DLG2: variants seen among roughly 807,000 people sequenced by gnomAD.
DLG2 encodes discs large MAGUK scaffold protein 2.
Under a neutral mutation model 132.5 loss-of-function variants are expected in DLG2, and 45 were observed. That is an observed-to-expected ratio of 0.34 (90% CI 0.27 to 0.44). The LOEUF (loss-of-function observed/expected upper bound fraction) is 0.44, where lower values mean the gene tolerates loss of function less well. DLG2 is among the 20% of genes least tolerant of loss of function. The pLI is 1.00. For missense variants in DLG2, 1,045 were observed against 1,196.9 expected, an observed-to-expected ratio of 0.87 and a Z score of 1.87; for synonymous variants, 424 against 419.6, an observed-to-expected ratio of 1.01 and a Z score of -0.13.
intron 21 of DLG2, among the ~76,000 whole-genome samples, chr11:83,508,437 G>A (rs187120716): frequency 1.1e-5 from 1 of 89,826 alleles, no homozygotes; most frequent in East Asian, 2.6e-4. Flanking sequence ...GTAGAGATGG[G>A]GTTTCACCAG....
intron 3 of DLG2, among the ~76,000 whole-genome samples, chr11:85,549,526 A>T (rs1008524292): frequency 6.6e-6 from 1 of 152,232 alleles, no homozygotes; most frequent in Non-Finnish European, 1.5e-5. Flanking sequence ...AAGCATTTCC[A>T]TTCAAAAATA....
intron 19 of DLG2, among the ~76,000 whole-genome samples, chr11:83,606,851 C>T (rs1418478056): frequency 2.6e-5 from 4 of 151,904 alleles, no homozygotes; most frequent in Admixed American, 1.3e-4. Context: ...GGCATGAACC[C>T]GGGAGGCGGA....
At chr11:84,617,032 T>C (rs560744271) in intron 6 of DLG2, among the ~76,000 whole-genome samples, 98 of 151,780 alleles carry the variant, frequency 6.5e-4, no homozygotes, top group African/African-American at 2.0e-3. Flanking sequence ...AAGTGCAGAA[T>C]GTGCAGGTTT....
chr11:84,872,214 G>A (rs1025402991), intron 6 of DLG2, among the ~76,000 whole-genome samples: 2 of 152,148 alleles, frequency 1.3e-5, no homozygotes, highest in Non-Finnish European at 1.5e-5. Flanking sequence ...TCTCAGGAAT[G>A]GAAGTAGATT....
At chr11:84,184,291 C>T (rs891642274) in intron 8 of DLG2, among the ~76,000 whole-genome samples, 1 of 150,900 alleles carries the variant, frequency 6.6e-6, no homozygotes, top group Non-Finnish European at 1.5e-5. Flanking sequence ...GATGGTATCT[C>T]ATTGTGGTTT....
intron 22 of DLG2, among the ~76,000 whole-genome samples, chr11:83,476,852 T>G (rs192976542): frequency 6.6e-6 from 1 of 152,108 alleles, no homozygotes; most frequent in Non-Finnish European, 1.5e-5. Context: ...ATAAATAGTT[T>G]TGTTGCAGAA....
At chr11:84,547,275 C>T (rs2099392017) in intron 6 of DLG2, among the ~76,000 whole-genome samples, 2 of 152,048 alleles carry the variant, frequency 1.3e-5, no homozygotes, top group South Asian at 4.1e-4. Context: ...AAATTTTTGC[C>T]TTTTACTGTT....
In DLG2 at chr11:85,153,821, A is replaced by G. The variant is rs114513238; in HGVS notation, c.282+735T>C. On this transcript the variant is annotated intron_variant, in intron 5 of 27. Coordinates refer to ENST00000376104, the MANE Select transcript of DLG2 (RefSeq NM_001142699.3). ...TTGCCAAGCAGTACTAAGCATGTTC[A>G]TATTGAGGATCACATTAAAATTTCA... Among the ~76,000 whole-genome samples the G allele has an allele frequency of 2.9e-3, 440 of 152,298 alleles. 1 individual carries two copies. Among genetic ancestry groups the G allele is most frequent in the African/African-American group, 0.01 (429 of 41,588 alleles).
intron 5 of DLG2, among the ~76,000 whole-genome samples, chr11:85,120,136 T>C (rs1261492794): frequency 1.3e-5 from 2 of 152,066 alleles, no homozygotes; most frequent in African/African-American, 4.8e-5. Context: ...TTACCTAAAA[T>C]CTTGGCAAAA....
chr11:84,365,979 C>T (rs2098680012), intron 7 of DLG2, among the ~76,000 whole-genome samples: 1 of 152,000 alleles, frequency 6.6e-6, no homozygotes, highest in South Asian at 2.1e-4. Context: ...AGAGATACTC[C>T]TCGAGAAGAG....
chr11:83,720,542 C>T (rs1425112209), intron 18 of DLG2, among the ~76,000 whole-genome samples: 3 of 151,880 alleles, frequency 2.0e-5, no homozygotes, highest in African/African-American at 7.3e-5. Context: ...TATAAAGTAA[C>T]TTGGGAAAGC....
intron 6 of DLG2, among the ~76,000 whole-genome samples, chr11:84,825,493 A>G (rs1233987136): frequency 6.6e-6 from 1 of 151,942 alleles, no homozygotes; most frequent in African/African-American, 2.4e-5. Flanking sequence ...AAAATCCAAA[A>G]GCAATTAAGT....
chr11:83,837,978 CT>C (rs2056679190), intron 16 of DLG2, among the ~76,000 whole-genome samples: 2 of 152,120 alleles, frequency 1.3e-5, no homozygotes, highest in Non-Finnish European at 2.9e-5. Context: ...AAATCTCCCC[CT>C]TTCCCCAGAA....
intron 3 of DLG2, among the ~76,000 whole-genome samples, chr11:85,484,476 A>G (rs1441075549): frequency 6.6e-6 from 1 of 151,126 alleles, no homozygotes; most frequent in Admixed American, 6.6e-5. Flanking sequence ...AATATCCAGA[A>G]TCTACAATGA....
chr11:83,824,412 G>A (rs1392627124), intron 17 of DLG2, among the ~76,000 whole-genome samples: 4 of 152,086 alleles, frequency 2.6e-5, no homozygotes, highest in East Asian at 1.9e-4. Context: ...TTTTTTTCAC[G>A]TTGCATCCTT....
chr11:83,678,664 C>T (rs2078194400), intron 18 of DLG2, among the ~76,000 whole-genome samples: 1 of 152,104 alleles, frequency 6.6e-6, no homozygotes, highest in Non-Finnish European at 1.5e-5. Flanking sequence ...CCTATTTACC[C>T]TGAATGTGAT....
At chr11:84,828,206 C>A (rs2078586690) in intron 6 of DLG2, among the ~76,000 whole-genome samples, 1 of 151,712 alleles carries the variant, frequency 6.6e-6, no homozygotes, top group Admixed American at 6.6e-5. Flanking sequence ...TTAGGTAAAA[C>A]AGACAGGGTG....
At chr11:85,066,294 A>T (rs1271570144) in intron 6 of DLG2, among the ~76,000 whole-genome samples, 1 of 151,652 alleles carries the variant, frequency 6.6e-6, no homozygotes, top group Non-Finnish European at 1.5e-5. Context: ...AGTGAAATTA[A>T]ATTAGCAATA....
At chr11:84,079,706 A>G (rs1321638593) in intron 10 of DLG2, among the ~76,000 whole-genome samples, 3 of 152,250 alleles carry the variant, frequency 2.0e-5, no homozygotes, top group Non-Finnish European at 4.4e-5. Flanking sequence ...GAAACATTCC[A>G]GGTCTCATGT....
Sources: gnomAD v4.1 joint callset for allele counts (sites outside exome capture counted in the v4.1 genomes callset) on GRCh38, gnomAD v4.1.1 for gene constraint, MANE v1.5 for transcripts, NCBI Gene and HGNC (gene_info 2026-07-23, HGNC 2026-07-21) for gene names.